Variants in SLCO1A2 observed in about 807,000 individuals in gnomAD.
SLCO1A2 encodes the protein solute carrier organic anion transporter family member 1A2.
SLCO1A2 carries 67 observed loss-of-function variants against 69.0 expected under a neutral mutation model. That is an observed-to-expected ratio of 0.97 (90% CI 0.80 to 1.19). The LOEUF is 1.19. SLCO1A2 is among the 50% of genes most tolerant of loss of function. The pLI, the probability that SLCO1A2 is intolerant of heterozygous loss-of-function variation, is 0.00. For missense variants in SLCO1A2, 787 were observed against 793.7 expected (o/e 0.99, Z 0.10); for synonymous variants, 260 against 265.9 (o/e 0.98, Z 0.22).
At chr12:21,414,959 C>A (rs1335910896) in intron 1 of SLCO1A2, among the ~76,000 whole-genome samples, 1 of 151,954 alleles carries the variant, frequency 6.6e-6, no homozygotes, top group Non-Finnish European at 1.5e-5. Flanking sequence ...ATATGAATAA[C>A]TACACTAATT....
chr12:21,308,118 A>G (rs1292719513), intron 4 of SLCO1A2, among the ~76,000 whole-genome samples: 1 of 152,226 alleles, frequency 6.6e-6, no homozygotes, highest in Non-Finnish European at 1.5e-5. Flanking sequence ...TGATCCCTTC[A>G]AAAATACTTT....
chr12:21,342,019 C>T (rs56348138), intron 2 of SLCO1A2, among the ~76,000 whole-genome samples: 13,980 of 151,942 alleles, frequency 0.092, 825 homozygotes, highest in African/African-American at 0.16. Flanking sequence ...AGCTGAATAC[C>T]GTTTGTCAGC....
chr12:21,361,917 G>C lies in SLCO1A2; in HGVS notation c.-63+12482C>G, dbSNP rs12307186. 5.5e-3 allele frequency among the ~76,000 whole-genome samples: 838 copies of C among 152,296 alleles called. 7 individuals are homozygous for C. Among genetic ancestry groups the C allele is most frequent in the African/African-American group, 0.016 (655 of 41,564 alleles). ...ATGTGAAAAGACCAAATCTACGTCT[G>C]ATTGGTGTACCTGAAAATGACGGGG... On this transcript the variant is annotated intron_variant, in intron 2 of 15. Transcript: ENST00000307378.
chr12:21,380,724 G>A (rs1415140681), intron 1 of SLCO1A2, among the ~76,000 whole-genome samples: 2 of 152,068 alleles, frequency 1.3e-5, no homozygotes, highest in East Asian at 1.9e-4. Context: ...TGGTGACTAC[G>A]TTTATCTTAA....
chr12:21,409,091 T>G (rs1269524306), intron 1 of SLCO1A2, among the ~76,000 whole-genome samples: 2 of 152,210 alleles, frequency 1.3e-5, no homozygotes, highest in Non-Finnish European at 2.9e-5. Flanking sequence ...TGTTACTGTT[T>G]GCTTCTCATC....
chr12:21,392,053 G>C (rs1176354723), intron 1 of SLCO1A2, among the ~76,000 whole-genome samples: 1 of 152,138 alleles, frequency 6.6e-6, no homozygotes, highest in Non-Finnish European at 1.5e-5. Context: ...TTTGCCCAGA[G>C]CAGTATTTAA....
At chr12:21,335,748 T>C (rs1028443506), upstream of SLCO1A2, among the ~76,000 whole-genome samples, 1 of 152,114 alleles carries the variant, frequency 6.6e-6, no homozygotes, top group African/African-American at 2.4e-5. Flanking sequence ...CATCAAGGCA[T>C]AGTCGCTGCA....
upstream of SLCO1A2, among the ~76,000 whole-genome samples, chr12:21,397,643 T>G (rs1334647045): frequency 6.6e-6 from 1 of 151,296 alleles, no homozygotes; most frequent in African/African-American, 2.4e-5. Context: ...CCTCAGCAAA[T>G]GGAAAAGAAC....
At chr12:21,419,537 G>C (rs1204892708), upstream of SLCO1A2, 1 of 154,670 alleles carries the variant, frequency 6.5e-6, no homozygotes, top group African/African-American at 2.4e-5. Flanking sequence ...TGCAGCACGA[G>C]ACTATATCCC....
chr12:21,362,364 C>T (rs996580335), intron 2 of SLCO1A2, among the ~76,000 whole-genome samples: 6 of 152,092 alleles, frequency 3.9e-5, no homozygotes, highest in Non-Finnish European at 8.8e-5. Flanking sequence ...GATTTTGTCA[C>T]CACCATGCCT....
intron 2 of SLCO1A2, among the ~76,000 whole-genome samples, chr12:21,371,990 T>C (rs1195693506): frequency 7.0e-6 from 1 of 142,938 alleles, no homozygotes; most frequent in African/African-American, 2.6e-5. Flanking sequence ...CAACAAAGAG[T>C]GAAACTTCAT....
Position 21,401,870 on chromosome 12 carries a change from T to A in SLCO1A2, c.-312+16012A>T, listed in dbSNP as rs371109202. On this transcript the variant is annotated intron_variant, in intron 1 of 4. Coordinates refer to the SLCO1A2 transcript ENST00000413682. ...CAATATAAATATAAATGAAAATGTA[T>A]TATATGATAAACACTTCAGCAGAAA... is the stretch of plus-strand genomic sequence containing the variant. 1.9e-4 allele frequency among the ~76,000 whole-genome samples: 29 copies of A among 151,690 alleles called. No homozygotes were observed. The South Asian group carries it at 5.8e-3, about 30-fold the overall frequency.
chr12:21,353,099 A>G (rs1411889803), intron 2 of SLCO1A2, among the ~76,000 whole-genome samples: 1 of 152,218 alleles, frequency 6.6e-6, no homozygotes, highest in East Asian at 1.9e-4. Context: ...TCCTTTGACT[A>G]TACACATTAC....
chr12:21,386,701 T>C (rs1940899309), intron 1 of SLCO1A2, among the ~76,000 whole-genome samples: 1 of 152,008 alleles, frequency 6.6e-6, no homozygotes, highest in Non-Finnish European at 1.5e-5. Context: ...CACAGCAGTA[T>C]GAAAATGGAC....
chr12:21,311,049 G>A (rs963421561), intron 4 of SLCO1A2, among the ~76,000 whole-genome samples: 10 of 152,124 alleles, frequency 6.6e-5, no homozygotes, highest in Admixed American at 6.5e-4. Context: ...GTTTTCACAG[G>A]CTCTTCATCA....
chr12:21,288,867 A>G (rs1946385755), intron 12 of SLCO1A2, among the ~76,000 whole-genome samples: 1 of 151,580 alleles, frequency 6.6e-6, no homozygotes, highest in East Asian at 1.9e-4. Context: ...TCTAATTTTT[A>G]CTTCTGATTT....
chr12:21,381,297 A>G (rs1316544318), intron 1 of SLCO1A2, among the ~76,000 whole-genome samples: 1 of 152,158 alleles, frequency 6.6e-6, no homozygotes, highest in Admixed American at 6.5e-5. Flanking sequence ...AGAATCTAAA[A>G]GGAACTCGAA....
At chr12:21,347,448 C>T (rs1200563188) in intron 2 of SLCO1A2, among the ~76,000 whole-genome samples, 1 of 152,082 alleles carries the variant, frequency 6.6e-6, no homozygotes, top group Non-Finnish European at 1.5e-5. Context: ...GAGTTCAAGA[C>T]CAGCCTAGCC....
chr12:21,301,283 A>C lies in SLCO1A2; in HGVS notation c.590-14T>G. 4 of 1,573,266 alleles carry C rather than the reference A, an allele frequency of 2.5e-6. No homozygotes were observed. Among genetic ancestry groups the C allele is most frequent in the South Asian group, 1.1e-5 (1 of 89,642 alleles). ...TTTCTACAAGCCCTAAAAATAAATAAAAGTATAAGGTTATAGTACAGTTAT... is the reference window on the plus strand; with the variant it reads ...TTTCTACAAGCCCTAAAAATAAATACAAGTATAAGGTTATAGTACAGTTAT... On this transcript the variant is annotated splice_polypyrimidine_tract_variant and intron_variant, in intron 6 of 14. Transcript: ENST00000683939.
Sources: gnomAD v4.1 joint callset for allele counts (sites outside exome capture counted in the v4.1 genomes callset) on GRCh38, gnomAD v4.1.1 for gene constraint, MANE v1.5 for transcripts, NCBI Gene and HGNC (gene_info 2026-07-23, HGNC 2026-07-21) for gene names.